Variants in PDE6C observed in about 807,000 individuals in gnomAD.
PDE6C encodes phosphodiesterase 6C, also known as cone cGMP-specific 3',5'-cyclic phosphodiesterase subunit alpha'.
A neutral mutation model predicts 113.1 loss-of-function variants in PDE6C; 75 were observed. The observed-to-expected ratio is 0.66, with a 90% CI of 0.55 to 0.80. The LOEUF (loss-of-function observed/expected upper bound fraction) is 0.80. Among genes scored for constraint, PDE6C ranks in the 30% least tolerant of loss-of-function variants. The pLI, the probability that PDE6C is intolerant of heterozygous loss-of-function variation, is 0.00. For synonymous variants in PDE6C, 375 were observed against 363.7 expected (o/e 1.03, Z -0.35); for missense variants, 912 against 1,038.6 (o/e 0.88, Z 1.67).
chr10:93,637,155 A>C (rs1169740908), intron 11 of PDE6C, 92 bp downstream of exon 11: 2 of 722,902 alleles, frequency 2.8e-6, no homozygotes, highest in African/African-American at 3.5e-5. Flanking sequence ...TTTTCAAGTA[A>C]ATGTTGAGTT....
intron 8 of PDE6C, among the ~76,000 whole-genome samples, chr10:93,633,663 G>T (rs1564799417): frequency 6.6e-6 from 1 of 151,972 alleles, no homozygotes; most frequent in Non-Finnish European, 1.5e-5. Flanking sequence ...ATACCACAGA[G>T]GCTTGACAAA....
Position 93,629,256 on chromosome 10 carries a change from A to G in PDE6C, c.1072-2A>G. ...GACCATTTGTCTCCTCTTGCCTTCC[A>G]GATCTGTAACATGATGAATGCCCCT... On this transcript the variant is annotated splice_acceptor_variant, in intron 7 of 21. Transcript: ENST00000371447. LOFTEE classifies it high-confidence loss of function. The G allele has an allele frequency of 6.2e-7, 1 of 1,609,620 alleles. No individual in the cohort carries two copies. Among genetic ancestry groups the G allele is most frequent in the Non-Finnish European group, 8.5e-7 (1 of 1,175,836 alleles).
At chr10:93,622,248 G>A (rs896321886) in intron 4 of PDE6C, among the ~76,000 whole-genome samples, 176 bp downstream of exon 4, 2 of 151,114 alleles carry the variant, frequency 1.3e-5, no homozygotes, top group Non-Finnish European at 2.9e-5. Flanking sequence ...TTGAATCTTG[G>A]TTTTTCCACT....
intron 8 of PDE6C, among the ~76,000 whole-genome samples, chr10:93,633,854 C>G (rs1049834389): frequency 1.3e-5 from 2 of 152,186 alleles, no homozygotes; most frequent in Non-Finnish European, 2.9e-5. Context: ...AGAAGCACTT[C>G]CCATCACTCA....
chr10:93,635,617 C>T lies in PDE6C; in HGVS notation c.1390C>T (p.Pro464Ser). The T allele has an allele frequency of 1.2e-6, 2 of 1,613,920 alleles. No homozygotes were observed. The highest frequency in any genetic ancestry group is 1.7e-6 in the Non-Finnish European group (2 of 1,179,860). Residue 464 changes from proline (P) to serine (S), a missense_variant, in exon 10 of 22, where the codon CCT becomes TCT. Transcript: ENST00000371447. ...GCTCATGAACCAAACCAAAGCCACT[C>T]CTGAAGAAATTAAGTCCATTTTGGT... is the stretch of plus-strand genomic sequence containing the variant. Reference protein sequence around the residue: ...EMLMNQTKATPEEIKSILKFQ... With the variant: ...EMLMNQTKATSEEIKSILKFQ...
intron 15 of PDE6C, among the ~76,000 whole-genome samples, chr10:93,651,190 A>T (rs10786119): frequency 6.6e-6 from 1 of 151,990 alleles, no homozygotes; most frequent in Non-Finnish European, 1.5e-5. Flanking sequence ...GCCTAGTACC[A>T]TGGAAGAAGG....
intron 15 of PDE6C, 131 bp from the exon 16 acceptor site, chr10:93,655,627 AAG>A (rs1589704574): frequency 5.4e-6 from 3 of 560,116 alleles, no homozygotes; most frequent in Middle Eastern, 5.4e-4. Flanking sequence ...AAAAAAAAAA[AAG>A]GAAGGAAAAC....
chr10:93,613,215 CT>C lies in PDE6C; in HGVS notation c.480+12del. ...CCCAGATGTGAAAAAGGTAGGTGGC[CT>C]TATGACAGTGGGGCAGAGGTCTTGG... is the stretch of plus-strand genomic sequence containing the variant. On this transcript the variant is annotated intron_variant, in intron 1 of 21. Coordinates refer to ENST00000371447, the MANE Select transcript of PDE6C (RefSeq NM_006204.4). 1 of 1,613,368 alleles carries C rather than the reference CT, an allele frequency of 6.2e-7. No individual in the cohort carries two copies. The highest frequency in any genetic ancestry group is 8.5e-7 in the Non-Finnish European group (1 of 1,180,010).
chr10:93,613,911 C>A (rs2058405545), intron 1 of PDE6C, among the ~76,000 whole-genome samples: 1 of 152,160 alleles, frequency 6.6e-6, no homozygotes, highest in Non-Finnish European at 1.5e-5. Flanking sequence ...CAGCATACTG[C>A]ACAAATACAA....
intron 15 of PDE6C, among the ~76,000 whole-genome samples, chr10:93,648,911 C>T (rs1260592961): frequency 6.6e-6 from 1 of 152,122 alleles, no homozygotes; most frequent in African/African-American, 2.4e-5. Context: ...CCATTTTACA[C>T]ATAGAAATGT....
At chr10:93,640,302 TTTGA>T in intron 12 of PDE6C, 86 bp downstream of exon 12, 2 of 1,388,038 alleles carry the variant, frequency 1.4e-6, no homozygotes, top group Non-Finnish European at 2.1e-6. Flanking sequence ...ATGGACTCAG[TTTGA>T]ATTTTAAATT....
chr10:93,659,513 T>C (rs1392738183), intron 18 of PDE6C, among the ~76,000 whole-genome samples: 1 of 151,412 alleles, frequency 6.6e-6, no homozygotes, highest in Non-Finnish European at 1.5e-5. Flanking sequence ...AGGAAAGAGG[T>C]TTAATGAACT....
chr10:93,651,956 C>T (rs2058611250), intron 15 of PDE6C, among the ~76,000 whole-genome samples: 2 of 152,120 alleles, frequency 1.3e-5, no homozygotes, highest in Non-Finnish European at 2.9e-5. Context: ...TAAAGAATCA[C>T]TGAGTCTGTG....
chr10:93,623,690 G>T (rs1431386519), intron 4 of PDE6C, among the ~76,000 whole-genome samples: 1 of 152,158 alleles, frequency 6.6e-6, no homozygotes, highest in East Asian at 1.9e-4. Context: ...ATGTTCAGTT[G>T]TTCCAACAAA....
At chr10:93,649,664 G>A (rs1225916217) in intron 15 of PDE6C, among the ~76,000 whole-genome samples, 1 of 152,130 alleles carries the variant, frequency 6.6e-6, no homozygotes, top group African/African-American at 2.4e-5. Context: ...GAGTACAGTG[G>A]CGTGATCTCA....
At chr10:93,644,806 T>TAC (rs958449653) in intron 14 of PDE6C, among the ~76,000 whole-genome samples, 1 of 147,156 alleles carries the variant, frequency 6.8e-6, no homozygotes, top group Non-Finnish European at 1.5e-5. Flanking sequence ...AGTATATATA[T>TAC]AGTATGTATA....
intron 1 of PDE6C, among the ~76,000 whole-genome samples, chr10:93,614,821 C>G (rs764064411): frequency 1.3e-5 from 2 of 151,916 alleles, no homozygotes; most frequent in Non-Finnish European, 2.9e-5. Flanking sequence ...AGTGGGGAGT[C>G]TCTCCTCTCT....
chr10:93,644,797 G>GTA (rs2058575515), intron 14 of PDE6C, among the ~76,000 whole-genome samples: 1 of 123,622 alleles, frequency 8.1e-6, no homozygotes, highest in South Asian at 2.7e-4. Context: ...TATATATATA[G>GTA]TATATATATA....
At chr10:93,647,100 A>AT (rs1355248614) in intron 15 of PDE6C, among the ~76,000 whole-genome samples, 1 of 152,122 alleles carries the variant, frequency 6.6e-6, no homozygotes, top group Non-Finnish European at 1.5e-5. Flanking sequence ...CCCTTGATCA[A>AT]TTTTATTGAA....
Sources: allele counts gnomAD v4.1 joint callset (sites outside exome capture counted in the v4.1 genomes callset), GRCh38; gene constraint gnomAD v4.1.1; transcripts MANE v1.5; gene names NCBI Gene and HGNC (gene_info 2026-07-23, HGNC 2026-07-21).